CSNK1G3: variants seen among roughly 807,000 people sequenced by gnomAD.
The protein encoded by CSNK1G3 is casein kinase 1 gamma 3.
In CSNK1G3, 23 loss-of-function variants were observed where a neutral mutation model predicts 64.3. The ratio of observed to expected loss-of-function variants is 0.36; its 90% CI spans 0.26 to 0.51. CSNK1G3 has a LOEUF of 0.51. CSNK1G3 is among the 20% of genes least tolerant of loss of function. The pLI is 0.96. For missense variants in CSNK1G3, 357 were observed against 510.5 expected (o/e 0.70, Z 2.90); for synonymous variants, 158 against 162.2 (o/e 0.97, Z 0.20).
chr5:123,594,579 A>G (rs1014836695), intron 10 of CSNK1G3, among the ~76,000 whole-genome samples: 8 of 152,330 alleles, frequency 5.3e-5, no homozygotes, highest in Non-Finnish European at 8.8e-5. Flanking sequence ...TTAGAATCTC[A>G]GGTACAGTTA....
intron 6 of CSNK1G3, among the ~76,000 whole-genome samples, chr5:123,578,291 G>A (rs1299664861): frequency 6.6e-6 from 1 of 151,780 alleles, no homozygotes; most frequent in Non-Finnish European, 1.5e-5. Flanking sequence ...TAATGAATGA[G>A]AATTTTGTTT....
intron 10 of CSNK1G3, among the ~76,000 whole-genome samples, chr5:123,592,342 A>G (rs1168541808): frequency 6.6e-6 from 1 of 151,960 alleles, no homozygotes; most frequent in Non-Finnish European, 1.5e-5. Context: ...GGGAGTAGAG[A>G]GTCAGTCTGA....
At chr5:123,576,919 A>G (rs922695054) in intron 6 of CSNK1G3, among the ~76,000 whole-genome samples, 8 of 151,916 alleles carry the variant, frequency 5.3e-5, no homozygotes, top group African/African-American at 1.9e-4. Flanking sequence ...ACATTTCCTT[A>G]TTTGTCAGTT....
chr5:123,523,398 G>C (rs1426805488), intron 1 of CSNK1G3, among the ~76,000 whole-genome samples: 2 of 152,114 alleles, frequency 1.3e-5, no homozygotes, highest in Non-Finnish European at 2.9e-5. Context: ...TGCTTCCTGG[G>C]TCAGGAACAC....
intron 4 of CSNK1G3, among the ~76,000 whole-genome samples, chr5:123,559,180 A>T (rs1785191353): frequency 6.6e-6 from 1 of 152,078 alleles, no homozygotes; most frequent in African/African-American, 2.4e-5. Context: ...AACTTTAGAG[A>T]CTGAGAATGG....
At chr5:123,530,195 T>C (rs916355554) in intron 1 of CSNK1G3, among the ~76,000 whole-genome samples, 2 of 152,094 alleles carry the variant, frequency 1.3e-5, no homozygotes, top group South Asian at 4.1e-4. Context: ...ACTTGTGAAA[T>C]TGAGAATAGA....
chr5:123,565,353 A>G (rs1371889261), intron 4 of CSNK1G3, among the ~76,000 whole-genome samples: 3 of 152,202 alleles, frequency 2.0e-5, no homozygotes, highest in African/African-American at 7.2e-5. Flanking sequence ...TTCAGGCCAC[A>G]TGTTGAAAAC....
chr5:123,516,088 G>A (rs1320434151), intron 1 of CSNK1G3, among the ~76,000 whole-genome samples: 2 of 151,874 alleles, frequency 1.3e-5, no homozygotes, highest in Non-Finnish European at 2.9e-5. Context: ...TTTCTCAAGC[G>A]GTTGGCAATT....
chr5:123,553,942 C>T (rs1463442617), intron 3 of CSNK1G3, among the ~76,000 whole-genome samples: 1 of 152,120 alleles, frequency 6.6e-6, no homozygotes, highest in Non-Finnish European at 1.5e-5. Context: ...TATACATACA[C>T]ATATATGTAT....
chr5:123,595,132 C>T (rs1470033927), intron 10 of CSNK1G3: 1 of 1,612,852 alleles, frequency 6.2e-7, no homozygotes, highest in East Asian at 2.2e-5. Flanking sequence ...TGGCTCGGTA[C>T]AGGTATTTTC....
At position 123,605,371 on chromosome 5, in the gene CSNK1G3, C is replaced by T. The variant is rs749053835; in HGVS notation, c.1217+9C>T. 8 of 1,609,274 alleles carry T rather than the reference C, an allele frequency of 5.0e-6. No individual in the cohort carries two copies. The Admixed American group carries it at 8.4e-5, about 17-fold the overall frequency. ...AAAGTGTTGAACATGTGGTGAGTCT[C>T]AAGTGTAGGCAGGCAGAAATAGCTC... On this transcript the variant is annotated intron_variant, in intron 12 of 12. Coordinates refer to ENST00000345990, the Ensembl canonical transcript of CSNK1G3.
At chr5:123,607,808 G>A (rs1174685134) in intron 12 of CSNK1G3, among the ~76,000 whole-genome samples, 1 of 152,110 alleles carries the variant, frequency 6.6e-6, no homozygotes, top group Non-Finnish European at 1.5e-5. Context: ...GGGTTAGGTA[G>A]GTTACAGAAA....
intron 6 of CSNK1G3, 59 bp downstream of exon 6, chr5:123,576,022 A>T (rs1053535639): frequency 2.0e-5 from 22 of 1,102,382 alleles, no homozygotes; most frequent in Non-Finnish European, 2.8e-5. Context: ...TAACACTGTG[A>T]GTTTTTATTT....
At chr5:123,584,680 T>G (rs192587712) in intron 6 of CSNK1G3, among the ~76,000 whole-genome samples, 94 of 152,316 alleles carry the variant, frequency 6.2e-4, no homozygotes, top group Admixed American at 2.6e-3. Flanking sequence ...ATTCTTTAAC[T>G]GTTTAATAGG....
At chr5:123,583,506 A>T (rs1790739615) in intron 6 of CSNK1G3, among the ~76,000 whole-genome samples, 1 of 152,076 alleles carries the variant, frequency 6.6e-6, no homozygotes, top group Admixed American at 6.6e-5. Context: ...GATTACAGGC[A>T]TGTGCCACCA....
chr5:123,570,281 A>G (rs983491463), intron 4 of CSNK1G3, among the ~76,000 whole-genome samples: 10 of 152,080 alleles, frequency 6.6e-5, no homozygotes, highest in Non-Finnish European at 1.3e-4. Context: ...TTTCTCAACA[A>G]CGTTAACTAT....
intron 1 of CSNK1G3, among the ~76,000 whole-genome samples, chr5:123,526,156 G>GC (rs937620719): frequency 3.9e-5 from 6 of 151,916 alleles, no homozygotes; most frequent in African/African-American, 1.5e-4. Context: ...TCCCATCTCA[G>GC]CCCCCCACAT....
chr5:123,553,178 G>A, intron 3 of CSNK1G3, 31 bp downstream of exon 3: 1 of 1,158,834 alleles, frequency 8.6e-7, no homozygotes, highest in Non-Finnish European at 1.2e-6. Context: ...TTTTCTTAAT[G>A]ATTTCTTTGT....
chr5:123,583,164 C>T (rs544679028), intron 6 of CSNK1G3, among the ~76,000 whole-genome samples: 12 of 152,168 alleles, frequency 7.9e-5, no homozygotes, highest in South Asian at 2.1e-4. Flanking sequence ...CATAACAGAG[C>T]GTCTTACTGT....
Sources: allele counts gnomAD v4.1 joint callset (sites outside exome capture counted in the v4.1 genomes callset), GRCh38; gene constraint gnomAD v4.1.1; transcripts MANE v1.5; gene names NCBI Gene and HGNC (gene_info 2026-07-23, HGNC 2026-07-21).